Variants in ACTR3B observed in about 807,000 individuals in gnomAD.
ACTR3B encodes actin related protein 3B, also known as actin-related protein 3B.
ACTR3B carries 8 observed loss-of-function variants against 59.0 expected under a neutral mutation model. The ratio of observed to expected loss-of-function variants is 0.14; its 90% confidence interval spans 0.08 to 0.24. The LOEUF is 0.24. Ranked by LOEUF, ACTR3B falls within the 10% of genes least tolerant of loss-of-function variation. The pLI is 1.00. For synonymous variants in ACTR3B, 148 were observed against 197.9 expected, an observed-to-expected ratio of 0.75 and a Z score of 2.12; for missense variants, 245 against 552.3, an observed-to-expected ratio of 0.44 and a Z score of 5.58.
intron 2 of ACTR3B, among the ~76,000 whole-genome samples, chr7:152,788,979 G>A (rs560584541): frequency 2.1e-4 from 32 of 152,284 alleles, no homozygotes; most frequent in African/African-American, 4.1e-4. Flanking sequence ...CTGAGATTGC[G>A]TCACCGCACT....
intron 1 of ACTR3B, among the ~76,000 whole-genome samples, chr7:152,764,095 T>TC (rs2098099922): frequency 6.6e-6 from 1 of 151,680 alleles, no homozygotes; most frequent in African/African-American, 2.4e-5. Context: ...AACCTCTGCC[T>TC]CCCGGGTTCA....
chr7:152,847,334 G>C (rs1318157371), intron 9 of ACTR3B, among the ~76,000 whole-genome samples: 1 of 152,232 alleles, frequency 6.6e-6, no homozygotes, highest in Non-Finnish European at 1.5e-5. Context: ...AATGCAGTGG[G>C]ATGTTTGCTG....
intron 9 of ACTR3B, among the ~76,000 whole-genome samples, chr7:152,831,810 C>T (rs114634307): frequency 0.067 from 10,220 of 152,092 alleles, 467 homozygotes; most frequent in South Asian, 0.12. Flanking sequence ...GCCTGGGATG[C>T]GCTTGGGGCC....
At chr7:152,822,396 A>C (rs763053220) in intron 7 of ACTR3B, among the ~76,000 whole-genome samples, 3 of 152,178 alleles carry the variant, frequency 2.0e-5, no homozygotes, top group Admixed American at 1.3e-4. Context: ...CTAAGGACAC[A>C]TATCAACACA....
At chr7:152,843,034 C>T (rs10276445) in intron 9 of ACTR3B, among the ~76,000 whole-genome samples, 122,707 of 152,214 alleles carry the variant, frequency 0.81, 49,799 homozygotes, top group African/African-American at 0.89. Context: ...CCAATTTTAA[C>T]TGATTTGTTT....
At position 152,854,443 on chromosome 7, in the gene ACTR3B, T is replaced by C. The variant is rs370045012; in HGVS notation, c.1162-15T>C. ...TGAAATGAGTGTCTTTCTGTCTGCC[T>C]GTTGCCTCTCGTAGCCCGAGTTCTT... is the stretch of plus-strand genomic sequence containing the variant. On this transcript the variant is annotated splice_polypyrimidine_tract_variant and intron_variant, in intron 11 of 11. Coordinates refer to ENST00000256001, the MANE Select transcript of ACTR3B (RefSeq NM_020445.6). The surrounding 1 kb of genome is among the most constrained non-coding windows in gnomAD (Gnocchi z 4.9). The C allele has an allele frequency of 5.3e-5, 85 of 1,611,492 alleles. No homozygotes were observed. In the African/African-American group the frequency reaches 8.7e-4, roughly 16 times the overall value.
At chr7:152,811,095 TACAG>T (rs1795198654) in intron 4 of ACTR3B, 2 of 149,970 alleles carry the variant, frequency 1.3e-5, no homozygotes, top group Admixed American at 6.7e-5. Context: ...GATCTTCTGA[TACAG>T]ACAATGTTGA....
chr7:152,794,229 T>C (rs572392024), intron 2 of ACTR3B, among the ~76,000 whole-genome samples: 68 of 152,316 alleles, frequency 4.5e-4, no homozygotes, highest in Admixed American at 1.6e-3. Context: ...TTGATTATTA[T>C]TATTTTTTAC....
chr7:152,793,863 T>C (rs1378698084), intron 2 of ACTR3B, among the ~76,000 whole-genome samples: 1 of 151,730 alleles, frequency 6.6e-6, no homozygotes, highest in Admixed American at 6.6e-5. Flanking sequence ...TACCACTTCA[T>C]TATTGCCAGT....
At chr7:152,810,240 G>T (rs976656803) in intron 4 of ACTR3B, among the ~76,000 whole-genome samples, 1 of 151,916 alleles carries the variant, frequency 6.6e-6, no homozygotes, top group Non-Finnish European at 1.5e-5. Flanking sequence ...CCGACTGGCT[G>T]GGATTACAGG....
Position 152,854,362 on chromosome 7 carries a change from G to GC in ACTR3B, c.1162-94dup. The stretch of plus-strand genomic sequence containing the variant: ...AGCGGTCCTGGGAGGGAGGGTGGAG[G>GC]CCGGGATGAGGAGAGTGTCTTGCCT... On this transcript the variant is annotated intron_variant, in intron 11 of 11. Coordinates refer to ENST00000256001, the MANE Select transcript of ACTR3B (RefSeq NM_020445.6). The surrounding 1 kb of genome is among the most constrained non-coding windows in gnomAD (Gnocchi z 4.9). 1 of 1,100,266 alleles carries GC rather than the reference G, an allele frequency of 9.1e-7. No homozygotes were observed. Among genetic ancestry groups the GC allele is most frequent in the East Asian group, 2.4e-5 (1 of 42,282 alleles). 68.2% of individuals were successfully genotyped at this position (1,100,266 alleles called of 1,614,324 possible).
At chr7:152,777,388 TAG>T (rs1377279593) in intron 1 of ACTR3B, among the ~76,000 whole-genome samples, 17 of 152,202 alleles carry the variant, frequency 1.1e-4, no homozygotes, top group South Asian at 2.1e-4. Context: ...TGCTTGTATG[TAG>T]AGAGTTTATT....
At chr7:152,798,171 CTT>C (rs1417775675) in intron 2 of ACTR3B, among the ~76,000 whole-genome samples, 1 of 151,982 alleles carries the variant, frequency 6.6e-6, no homozygotes. Context: ...TAAAGGTTCT[CTT>C]TTTGTCACAT....
intron 6 of ACTR3B, among the ~76,000 whole-genome samples, chr7:152,819,094 ATAT>A (rs1038258409): frequency 1.8e-4 from 28 of 152,252 alleles, no homozygotes; most frequent in Non-Finnish European, 3.2e-4. Context: ...TAGAAAGCTA[ATAT>A]TATTTTTATG....
chr7:152,836,117 G>A (rs1295726277), intron 9 of ACTR3B, among the ~76,000 whole-genome samples: 5 of 150,826 alleles, frequency 3.3e-5, no homozygotes, highest in East Asian at 3.9e-4. Context: ...TGTGGAGGCC[G>A]GAGGGCGGGG....
intron 1 of ACTR3B, among the ~76,000 whole-genome samples, chr7:152,776,588 C>CA (rs1233422822): frequency 6.6e-6 from 1 of 151,638 alleles, no homozygotes; most frequent in African/African-American, 2.4e-5. Context: ...CACTAGTATA[C>CA]AAAAAATAAT....
chr7:152,791,006 AT>A (rs1393830506), intron 2 of ACTR3B, among the ~76,000 whole-genome samples: 1 of 151,618 alleles, frequency 6.6e-6, no homozygotes, highest in African/African-American at 2.4e-5. Flanking sequence ...GTTAGAAAAA[AT>A]AATTGTTCTT....
At chr7:152,804,285 C>T (rs186184686) in intron 4 of ACTR3B, among the ~76,000 whole-genome samples, 2 of 152,236 alleles carry the variant, frequency 1.3e-5, no homozygotes, top group African/African-American at 2.4e-5. Context: ...ATTAGAACTT[C>T]GGAAGGGATT....
In ACTR3B at chr7:152,832,530, T is replaced by C. The variant is rs375994387; in HGVS notation, c.951+7408T>C. ...CAGGGCTCTTTAGAAACAGAACCAATAGCGGGTATCTCACGATCTCTTTTT... is the reference window on the plus strand; with the variant it reads ...CAGGGCTCTTTAGAAACAGAACCAACAGCGGGTATCTCACGATCTCTTTTT... On this transcript the variant is annotated intron_variant, in intron 9 of 11. Coordinates refer to ENST00000256001, the MANE Select transcript of ACTR3B (RefSeq NM_020445.6). 7.1e-4 allele frequency among the ~76,000 whole-genome samples: 108 copies of C among 152,232 alleles called. 1 individual carries two copies. The East Asian group carries it at 0.016, about 23-fold the overall frequency.
Sources: gnomAD v4.1 joint callset for allele counts (sites outside exome capture counted in the v4.1 genomes callset) on GRCh38, gnomAD v4.1.1 for gene constraint, Gnocchi (gnomAD v3.1) non-coding constraint, MANE v1.5 for transcripts, NCBI Gene and HGNC (gene_info 2026-07-23, HGNC 2026-07-21) for gene names.